The following CHD6 variants were observed in gnomAD, a reference collection of about 807,000 sequenced individuals.
The protein encoded by CHD6 is ATP-dependent chromatin remodeler CHD6.
A neutral mutation model predicts 276.9 loss-of-function variants in CHD6; 50 were observed. The observed-to-expected ratio is 0.18, with a 90% CI of 0.14 to 0.23. The LOEUF is 0.23. Among genes scored for constraint, CHD6 ranks in the 10% least tolerant of loss-of-function variants. The pLI, the probability that CHD6 is intolerant of heterozygous loss-of-function variation, is 1.00. For synonymous variants in CHD6, 1,173 were observed against 1,229.3 expected, an observed-to-expected ratio of 0.95 and a Z score of 0.96; for missense variants, 2,564 against 3,365.8, an observed-to-expected ratio of 0.76 and a Z score of 5.89.
chr20:41,522,078 C>T (rs1374515216), intron 3 of CHD6, among the ~76,000 whole-genome samples: 9 of 152,122 alleles, frequency 5.9e-5, no homozygotes, highest in African/African-American at 1.9e-4. Flanking sequence ...CAGTGGCTCA[C>T]GCCTGTAATA....
At chr20:41,582,872 ACT>A (rs1393292204) in intron 1 of CHD6, among the ~76,000 whole-genome samples, 1 of 152,124 alleles carries the variant, frequency 6.6e-6, no homozygotes, top group Non-Finnish European at 1.5e-5. Context: ...TCATAAGAAC[ACT>A]CTACACAGTC....
chr20:41,461,027 A>G (rs1375801754), intron 17 of CHD6, among the ~76,000 whole-genome samples: 1 of 152,226 alleles, frequency 6.6e-6, no homozygotes, highest in Non-Finnish European at 1.5e-5. Context: ...CCTGAAGTCA[A>G]AGGAGATCAT....
chr20:41,494,283 T>C (rs575812834), intron 8 of CHD6, among the ~76,000 whole-genome samples: 250 of 152,274 alleles, frequency 1.6e-3, no homozygotes, highest in Non-Finnish European at 2.4e-3. Flanking sequence ...GGAATTACAG[T>C]TTCTTTTTCT....
intron 1 of CHD6, among the ~76,000 whole-genome samples, chr20:41,608,491 A>AT (rs2045852601): frequency 6.6e-6 from 1 of 152,198 alleles, no homozygotes; most frequent in African/African-American, 2.4e-5. Context: ...CAGCTATCCC[A>AT]TATTTCCCCC....
At chr20:41,500,590 G>C (rs1010901) in intron 5 of CHD6, among the ~76,000 whole-genome samples, 34,955 of 151,978 alleles carry the variant, frequency 0.23, 4,183 homozygotes, top group East Asian at 0.39. Context: ...ATAGAAGAAA[G>C]GGGTGTGAAT....
At chr20:41,576,283 T>A (rs2045473500) in intron 1 of CHD6, among the ~76,000 whole-genome samples, 2 of 149,726 alleles carry the variant, frequency 1.3e-5, no homozygotes, top group African/African-American at 5.0e-5. Context: ...ACAGAATAAG[T>A]AAAAGTAAGA....
In CHD6 at chr20:41,436,170, C is replaced by T. The variant is rs145998407; in HGVS notation, c.4068+1104G>A. Among the ~76,000 whole-genome samples the T allele has an allele frequency of 8.3e-3, 1,255 of 152,036 alleles. 43 individuals are homozygous for T. Among genetic ancestry groups the T allele is most frequent in the Admixed American group, 0.073 (1,114 of 15,290 alleles). ...TATACAGAACTCTAGAAAATCAACACTAAAACAATGAAATTAGAATATAGG... is the reference window on the plus strand; with the variant it reads ...TATACAGAACTCTAGAAAATCAACATTAAAACAATGAAATTAGAATATAGG... On this transcript the variant is annotated intron_variant, in intron 27 of 36. Coordinates refer to ENST00000373233, the MANE Select transcript of CHD6 (RefSeq NM_032221.5).
chr20:41,404,967 G>A lies in CHD6; in HGVS notation c.7774C>T (p.Pro2592Ser), dbSNP rs1206009110. The A allele has an allele frequency of 1.2e-6, 2 of 1,614,214 alleles. No homozygotes were observed. Among genetic ancestry groups the A allele is most frequent in the Non-Finnish European group, 1.7e-6 (2 of 1,180,042 alleles). ...TLAEDKPGPG[P>S]FSDQSEPAIT... is the part of the protein sequence containing the mutation. ...GCAGGTTCAGACTGATCAGAAAATG[G>A]ACCTGGACCAGGCTTGTCCTCAGCT... is the stretch of plus-strand genomic sequence containing the variant. Residue 2592 changes from proline to serine, a missense_variant, in exon 37 of 37, where the codon CCA (proline) becomes TCA (serine). Around this residue, in one of 7 missense-constraint regions of CHD6, gnomAD observed 238 missense variants for 266.0 expected, o/e 0.89. Transcript: ENST00000373233.
rs2046610953 is a variant in CHD6, at chr20:41,404,432, CAACTATTAA to C, written c.*152_*160del. The C allele has an allele frequency of 7.5e-7, 1 of 1,325,354 alleles. No homozygotes were observed. 82.1% of individuals were successfully genotyped at this position (1,325,354 alleles called of 1,614,324 possible). A position where few individuals can be genotyped will look rare whatever the true frequency, so the allele number is the denominator to read the frequency against. On this transcript the variant is annotated 3_prime_UTR_variant, in exon 37 of 37. Transcript: ENST00000373233. The stretch of plus-strand genomic sequence containing the variant: ...TATCTAATGAAGTGGTGAGACCCTG[CAACTATTAA>C]CATCTGTTACCATAGTTCTCAGACA...
At chr20:41,536,443 T>A (rs1274487218) in intron 2 of CHD6, among the ~76,000 whole-genome samples, 1 of 152,190 alleles carries the variant, frequency 6.6e-6, no homozygotes, top group Non-Finnish European at 1.5e-5. Context: ...TCAGGTCAGT[T>A]GAAAAGGAGC....
chr20:41,463,372 G>C (rs1390113814), intron 17 of CHD6, among the ~76,000 whole-genome samples: 1 of 152,096 alleles, frequency 6.6e-6, no homozygotes, highest in African/African-American at 2.4e-5. Flanking sequence ...TGAGGAACAG[G>C]TACAGTTCCA....
intron 3 of CHD6, among the ~76,000 whole-genome samples, chr20:41,518,230 G>T (rs2044297716): frequency 1.3e-5 from 2 of 152,178 alleles, no homozygotes; most frequent in African/African-American, 4.8e-5. Context: ...CATTATATTA[G>T]AACACTGTCT....
At chr20:41,475,951 T>A (rs1310022622) in intron 16 of CHD6, among the ~76,000 whole-genome samples, 1 of 152,192 alleles carries the variant, frequency 6.6e-6, no homozygotes, top group Non-Finnish European at 1.5e-5. Flanking sequence ...AATGGAATAA[T>A]TCTCTATCAC....
At chr20:41,447,597 G>C (rs1230817579) in intron 24 of CHD6, among the ~76,000 whole-genome samples, 1 of 152,318 alleles carries the variant, frequency 6.6e-6, no homozygotes, top group Middle Eastern at 3.4e-3. Flanking sequence ...TACAGTAAAT[G>C]ACTGTTTTAA....
At chr20:41,462,954 G>T (rs957259395) in intron 17 of CHD6, among the ~76,000 whole-genome samples, 1 of 152,170 alleles carries the variant, frequency 6.6e-6, no homozygotes, top group African/African-American at 2.4e-5. Flanking sequence ...GTGTGCTAGA[G>T]AAATGGCTAA....
chr20:41,426,326 G>A (rs564667960), intron 27 of CHD6, among the ~76,000 whole-genome samples, 173 bp from the exon 28 acceptor site: 5 of 152,248 alleles, frequency 3.3e-5, no homozygotes, highest in Admixed American at 6.5e-5. Flanking sequence ...TCTTAAAAGA[G>A]CCAGAAAGCA....
At chr20:41,608,592 T>A (rs987021223) in intron 1 of CHD6, among the ~76,000 whole-genome samples, 3 of 152,078 alleles carry the variant, frequency 2.0e-5, no homozygotes, top group Non-Finnish European at 4.4e-5. Context: ...AAAATGAAAA[T>A]TGAATTCTAA....
chr20:41,481,231 T>C (rs1185627806), intron 16 of CHD6, among the ~76,000 whole-genome samples: 1 of 151,850 alleles, frequency 6.6e-6, no homozygotes, highest in Admixed American at 6.6e-5. Context: ...TAAAAAAGGA[T>C]TTAAAGTTGT....
intron 5 of CHD6, among the ~76,000 whole-genome samples, chr20:41,510,057 G>A (rs565654366): frequency 6.6e-6 from 1 of 152,280 alleles, no homozygotes; most frequent in African/African-American, 2.4e-5. Flanking sequence ...ATGGCAGTGG[G>A]GCCATTCTGG....
Sources: allele counts gnomAD v4.1 joint callset (sites outside exome capture counted in the v4.1 genomes callset), GRCh38; gene constraint gnomAD v4.1.1; regional missense constraint gnomAD v4.1.1; transcripts MANE v1.5; gene names NCBI Gene and HGNC (gene_info 2026-07-23, HGNC 2026-07-21).